Variants in MEGF6 observed in about 807,000 individuals in gnomAD.
MEGF6 encodes multiple epidermal growth factor-like domains protein 6.
A neutral mutation model predicts 207.1 loss-of-function variants in MEGF6; 184 were observed. The observed-to-expected ratio is 0.89, with a 90% CI of 0.79 to 1.00. MEGF6 has a LOEUF of 1.00. MEGF6 is among the 50% of genes least tolerant of loss of function. The pLI is 0.00. For synonymous variants in MEGF6, 1,038 were observed against 910.0 expected (o/e 1.14, Z -2.53); for missense variants, 2,282 against 2,202.9 (o/e 1.04, Z -0.72).
At chr1:3,570,785 C>T (rs1643472146) in intron 4 of MEGF6, among the ~76,000 whole-genome samples, 2 of 152,230 alleles carry the variant, frequency 1.3e-5, no homozygotes, top group South Asian at 4.1e-4. Flanking sequence ...ATCCTGCCCC[C>T]TCCACCGCCC....
intron 35 of MEGF6, 57 bp downstream of exon 35, chr1:3,492,582 G>A: frequency 6.3e-7 from 1 of 1,591,978 alleles, no homozygotes; most frequent in Non-Finnish European, 8.6e-7. Flanking sequence ...CCAGGGTGGA[G>A]CTGAGGCTGA....
chr1:3,492,516 G>A (rs1640414253), intron 35 of MEGF6, 123 bp downstream of exon 35: 11 of 1,349,096 alleles, frequency 8.2e-6, no homozygotes, highest in African/African-American at 1.4e-5. Flanking sequence ...CGCTATGTCT[G>A]AATAGCCATA....
chr1:3,624,308 A>T, the MEGF6 span: 1 of 152,238 alleles, frequency 6.6e-6, no homozygotes, highest in Admixed American at 6.5e-5. Context: ...GGGCACACAC[A>T]TGTTCCACCT....
chr1:3,518,686 T>G (rs937666277), intron 5 of MEGF6, among the ~76,000 whole-genome samples: 1 of 152,218 alleles, frequency 6.6e-6, no homozygotes, highest in Admixed American at 6.5e-5. Context: ...TGGTTTCTGG[T>G]TCTGGTCCCT....
intron 4 of MEGF6, among the ~76,000 whole-genome samples, chr1:3,559,296 A>T (rs1643121479): frequency 6.6e-6 from 1 of 152,142 alleles, no homozygotes; most frequent in Non-Finnish European, 1.5e-5. Context: ...CTCCTAATTT[A>T]GGTTACTGGT....
chr1:3,569,333 G>T (rs1238210076), intron 4 of MEGF6, among the ~76,000 whole-genome samples: 1 of 152,366 alleles, frequency 6.6e-6, no homozygotes, highest in East Asian at 1.9e-4. Flanking sequence ...TGGGCAGGCG[G>T]TCAAGGGCCA....
At chr1:3,558,779 G>T (rs1401073016) in intron 4 of MEGF6, among the ~76,000 whole-genome samples, 1 of 152,196 alleles carries the variant, frequency 6.6e-6, no homozygotes, top group Non-Finnish European at 1.5e-5. Context: ...GAAATTTTTG[G>T]TCTAAGTGCT....
chr1:3,598,687 C>T (rs963968769), intron 2 of MEGF6, among the ~76,000 whole-genome samples: 11 of 150,764 alleles, frequency 7.3e-5, no homozygotes, highest in African/African-American at 1.5e-4. Flanking sequence ...AGCTGGTTCA[C>T]GCAGGGCGGG....
rs57713922 is a variant in MEGF6 at position 3,538,745 on chromosome 1, T to TGTGTGTGTGTGTGTGA, written c.482-14500_482-14499insTCACACACACACACAC. On this transcript the variant is annotated intron_variant, in intron 4 of 36. Transcript: ENST00000356575. ...GTGTGTGTGTGTGTGTGTGTGTGTG[T>TGTGTGTGTGTGTGTGA]CCGCGCTGTCTGTGGGTTCTCTGTT... Among the ~76,000 whole-genome samples the TGTGTGTGTGTGTGTGA allele has an allele frequency of 1.6e-4, 20 of 126,508 alleles. No individual in the cohort carries two copies. The East Asian group carries it at 3.3e-3, about 21-fold the overall frequency. The allele number at this position is 126,508 out of a possible 152,430, so 83.0% of individuals were successfully genotyped here.
chr1:3,529,486 T>C (rs893812408), intron 4 of MEGF6, among the ~76,000 whole-genome samples: 13 of 152,040 alleles, frequency 8.6e-5, no homozygotes, highest in African/African-American at 3.1e-4. Flanking sequence ...GAGAGACGAG[T>C]GGGCTCAGAG....
intron 4 of MEGF6, among the ~76,000 whole-genome samples, chr1:3,546,188 C>A (rs114223897): frequency 6.6e-6 from 1 of 152,176 alleles, no homozygotes; most frequent in Admixed American, 6.5e-5. Context: ...CCACCCTCCT[C>A]GGCCTCCTCC....
At chr1:3,506,814 G>T (rs919173599) in intron 14 of MEGF6, among the ~76,000 whole-genome samples, 3 of 152,210 alleles carry the variant, frequency 2.0e-5, no homozygotes, top group Non-Finnish European at 4.4e-5. Context: ...TGCATTTCTT[G>T]CAACAGTGCT....
chr1:3,526,556 G>A (rs940583230), intron 4 of MEGF6, among the ~76,000 whole-genome samples: 5 of 152,084 alleles, frequency 3.3e-5, no homozygotes, highest in African/African-American at 7.2e-5. Flanking sequence ...CCGCCACCAC[G>A]CTCGGCTAAT....
intron 4 of MEGF6, among the ~76,000 whole-genome samples, chr1:3,569,528 CA>C (rs1643439811): frequency 6.6e-6 from 1 of 152,240 alleles, no homozygotes; most frequent in South Asian, 2.1e-4. Flanking sequence ...TCAGGGGACT[CA>C]AAGGATCCTG....
rs367724125 is a variant in MEGF6 at position 3,501,800 on chromosome 1, C to G, written c.2310G>C (p.Glu770Asp). The change falls in exon 18 of 37, where the codon GAG becomes GAC. Residue 770 changes from glutamate (E) to aspartate (D), a missense_variant. Glu to Asp is a conservative substitution (Grantham distance 45). Coordinates refer to ENST00000356575, the MANE Select transcript of MEGF6 (RefSeq NM_001409.4). ...GGGGCTGCGGCTGACACTCACCTGC[C>G]TCACAGTCTTCCCCAGTCCTCCCCG... ...CPPGRTGEDCEADCPEGRWGL... is the reference protein window; with the variant it reads ...CPPGRTGEDCDADCPEGRWGL... 3.3e-5 allele frequency: 53 copies of G among 1,610,388 alleles called. No individual in the cohort carries two copies. In the African/African-American group the frequency reaches 6.8e-4, roughly 21 times the overall value.
rs59424892 is a variant in MEGF6 at position 3,556,240 on chromosome 1, G to A, written c.481+23585C>T. The stretch of plus-strand genomic sequence containing the variant: ...TTTCCCAGGATGGGGAGTGGGGCAG[G>A]GTCCCCATACATAACCTAGAGCTCT... On this transcript the variant is annotated intron_variant, in intron 4 of 36. Coordinates refer to ENST00000356575, the MANE Select transcript of MEGF6 (RefSeq NM_001409.4). The surrounding 1 kb of genome is among the most constrained non-coding windows in gnomAD (Gnocchi z 4.4). 0.01 allele frequency among the ~76,000 whole-genome samples: 1,580 copies of A among 152,320 alleles called. 28 individuals carry two copies. The highest frequency in any genetic ancestry group is 0.036 in the African/African-American group (1,506 of 41,580).
At chr1:3,491,693 G>T (rs1262523339) in intron 35 of MEGF6, among the ~76,000 whole-genome samples, 1 of 145,600 alleles carries the variant, frequency 6.9e-6, no homozygotes, top group East Asian at 2.2e-4. Flanking sequence ...GTCTTGCCCC[G>T]CACAGGCCCC....
intron 9 of MEGF6, among the ~76,000 whole-genome samples, chr1:3,511,190 G>A (rs1641333018): frequency 6.6e-6 from 1 of 152,256 alleles, no homozygotes; most frequent in Non-Finnish European, 1.5e-5. Context: ...ACAAGGTGTT[G>A]GGACTGGGGC....
At chr1:3,498,994 G>T in intron 24 of MEGF6, 144 bp downstream of exon 24, 1 of 1,403,868 alleles carries the variant, frequency 7.1e-7, no homozygotes, top group African/African-American at 1.4e-5. Flanking sequence ...GCCTGGAGAG[G>T]GGCACAGGTG....
Sources: gnomAD v4.1 joint callset for allele counts (sites outside exome capture counted in the v4.1 genomes callset) on GRCh38, gnomAD v4.1.1 for gene constraint, Gnocchi (gnomAD v3.1) non-coding constraint, MANE v1.5 for transcripts, NCBI Gene and HGNC (gene_info 2026-07-23, HGNC 2026-07-21) for gene names.